Variants in ST7 observed in about 807,000 individuals in gnomAD.
The protein encoded by ST7 is suppressor of tumorigenicity 7 protein.
ST7 carries 28 observed loss-of-function variants against 78.7 expected under a neutral mutation model. The ratio of observed to expected loss-of-function variants is 0.36; its 90% CI spans 0.26 to 0.49. The LOEUF is 0.49. ST7 is among the 20% of genes least tolerant of loss of function. The pLI is 0.99. For missense variants in ST7, 418 were observed against 696.0 expected (o/e 0.60, Z 4.49); for synonymous variants, 247 against 249.6 (o/e 0.99, Z 0.10).
At chr7:117,067,084 T>C (rs1267508565) in intron 1 of ST7, among the ~76,000 whole-genome samples, 1 of 152,160 alleles carries the variant, frequency 6.6e-6, no homozygotes, top group African/African-American at 2.4e-5. Flanking sequence ...CAGTGCTCCG[T>C]TGCTATTACT....
chr7:117,117,713 A>G (rs915565524), intron 2 of ST7, among the ~76,000 whole-genome samples: 7 of 152,146 alleles, frequency 4.6e-5, no homozygotes, highest in Admixed American at 4.6e-4. Context: ...TGTGCTGCCC[A>G]TGGGAGGGAT....
intron 1 of ST7, among the ~76,000 whole-genome samples, chr7:117,066,312 T>C (rs1318418232): frequency 6.6e-6 from 1 of 152,210 alleles, no homozygotes; most frequent in African/African-American, 2.4e-5. Flanking sequence ...CTCTGGGAAA[T>C]AGACCGTGTC....
intron 15 of ST7, among the ~76,000 whole-genome samples, chr7:117,228,386 C>A (rs1276831204): frequency 6.6e-6 from 1 of 152,304 alleles, no homozygotes; most frequent in Non-Finnish European, 1.5e-5. Flanking sequence ...TTGAACTACA[C>A]CCCTTTATAT....
At chr7:117,229,598 T>C (rs559243991) in intron 15 of ST7, among the ~76,000 whole-genome samples, 164 bp from the exon 16 acceptor site, 1 of 152,300 alleles carries the variant, frequency 6.6e-6, no homozygotes, top group Non-Finnish European at 1.5e-5. Context: ...GGAATGCAGG[T>C]TTGACCATCA....
In ST7 at chr7:117,079,968, C is replaced by CTTTTTTTTT. The variant is rs34326752; in HGVS notation, c.152-19772_152-19764dup. Among the ~76,000 whole-genome samples, 99 of 65,438 alleles carry CTTTTTTTTT rather than the reference C, an allele frequency of 1.5e-3. 15 individuals are homozygous for CTTTTTTTTT. Among genetic ancestry groups the CTTTTTTTTT allele is most frequent in the African/African-American group, 4.8e-3 (87 of 18,066 alleles). 42.9% of individuals were successfully genotyped at this position (65,438 alleles called of 152,430 possible). A position where few individuals can be genotyped will look rare whatever the true frequency, so the allele number is the denominator to read the frequency against. On this transcript the variant is annotated intron_variant, in intron 1 of 15. Transcript: ENST00000323984. ...AGCACTATTGGAATGTTTGTCATTC[C>CTTTTTTTTT]TTTTTTTTTTTTTTTTTTTTTTTTT...
chr7:117,006,905 C>G (rs775374378), intron 1 of ST7, among the ~76,000 whole-genome samples: 1 of 152,194 alleles, frequency 6.6e-6, no homozygotes, highest in Non-Finnish European at 1.5e-5. Flanking sequence ...CCGCAAACCA[C>G]ATCCATATAA....
At chr7:117,119,831 G>A in intron 3 of ST7, 111 bp downstream of exon 3, 1 of 1,264,338 alleles carries the variant, frequency 7.9e-7, no homozygotes, top group Non-Finnish European at 1.1e-6. Context: ...AGGCTTCAGA[G>A]AAAAATGCAG....
At chr7:116,991,219 CT>C (rs1794413157) in intron 1 of ST7, among the ~76,000 whole-genome samples, 1 of 152,182 alleles carries the variant, frequency 6.6e-6, no homozygotes, top group Non-Finnish European at 1.5e-5. Flanking sequence ...TAGGCTACTA[CT>C]TTTTCCACCC....
At chr7:117,201,959 A>C in intron 12 of ST7, among the ~76,000 whole-genome samples, 1 of 69,594 alleles carries the variant, frequency 1.4e-5, no homozygotes. Context: ...GCTCGAAGCT[A>C]TCTTTTTTTT....
intron 1 of ST7, among the ~76,000 whole-genome samples, chr7:116,991,664 C>T (rs990916836): frequency 1.3e-5 from 2 of 152,150 alleles, no homozygotes; most frequent in African/African-American, 2.4e-5. Context: ...CATATCATTT[C>T]ACCTCTGGCC....
intron 15 of ST7, among the ~76,000 whole-genome samples, chr7:117,225,484 T>G (rs567762937): frequency 6.6e-6 from 1 of 152,108 alleles, no homozygotes; most frequent in Non-Finnish European, 1.5e-5. Context: ...GGAAGGAAGA[T>G]GGATGGCCTG....
chr7:117,014,946 T>C, intron 1 of ST7: 1 of 1,325,032 alleles, frequency 7.5e-7, no homozygotes. Context: ...CGTTTCATTT[T>C]CTGGCTGATA....
rs1799772185 is a variant in ST7, at chr7:117,081,516, T to G, written c.152-18246T>G. On this transcript the variant is annotated intron_variant, in intron 1 of 15. Coordinates refer to ENST00000323984, the MANE Select transcript of ST7 (RefSeq NM_001369598.1). Reference sequence around the variant, plus strand: ...GATTTGGCACGACCTGTAGCAGAAATTTTAATCATTTCATTCATCTTTTTA... The same window carrying G: ...GATTTGGCACGACCTGTAGCAGAAAGTTTAATCATTTCATTCATCTTTTTA... 2.0e-5 allele frequency among the ~76,000 whole-genome samples: 3 copies of G among 152,212 alleles called. No individual in the cohort carries two copies. The South Asian group carries it at 6.2e-4, about 31-fold the overall frequency.
chr7:117,126,261 C>CT (rs200238272), intron 3 of ST7, among the ~76,000 whole-genome samples: 1,796 of 151,648 alleles, frequency 0.012, 42 homozygotes, highest in African/African-American at 0.041. Context: ...GATTTTCTAT[C>CT]TTTTTTTTAA....
chr7:117,036,485 T>C (rs1349043622), intron 1 of ST7, among the ~76,000 whole-genome samples: 1 of 152,142 alleles, frequency 6.6e-6, no homozygotes, highest in Non-Finnish European at 1.5e-5. Context: ...TTTTATTTTG[T>C]TTATTTGATT....
At chr7:116,966,177 G>T in intron 1 of ST7, 2 of 389,886 alleles carry the variant, frequency 5.1e-6, no homozygotes, top group Non-Finnish European at 1.1e-5. Context: ...ATCTTTTTTA[G>T]TGGATTACAC....
At chr7:117,204,314 C>T (rs1791529393) in intron 12 of ST7, among the ~76,000 whole-genome samples, 1 of 152,218 alleles carries the variant, frequency 6.6e-6, no homozygotes, top group Admixed American at 6.5e-5. Flanking sequence ...GAATGCTTTA[C>T]ATATATTACA....
intron 13 of ST7, among the ~76,000 whole-genome samples, chr7:117,216,561 T>C (rs970915313): frequency 5.3e-5 from 8 of 152,146 alleles, no homozygotes; most frequent in African/African-American, 1.9e-4. Context: ...AAGGCTGTCA[T>C]GGAGCAGTTG....
chr7:117,123,301 G>A (rs1488022212), intron 3 of ST7, among the ~76,000 whole-genome samples: 1 of 152,140 alleles, frequency 6.6e-6, no homozygotes, highest in African/African-American at 2.4e-5. Flanking sequence ...GAAAAACATG[G>A]CCTACCTAAG....
Sources: allele counts gnomAD v4.1 joint callset (sites outside exome capture counted in the v4.1 genomes callset), GRCh38; gene constraint gnomAD v4.1.1; transcripts MANE v1.5; gene names NCBI Gene and HGNC (gene_info 2026-07-23, HGNC 2026-07-21).